Variants in MLLT1 observed in about 807,000 individuals in gnomAD.
MLLT1 encodes MLLT1 super elongation complex subunit, also known as protein ENL.
Under a neutral mutation model 55.1 loss-of-function variants are expected in MLLT1, and 11 were observed. That is an observed-to-expected ratio of 0.20 (90% CI 0.13 to 0.33). The LOEUF (loss-of-function observed/expected upper bound fraction) is 0.33. MLLT1 is among the 10% of genes least tolerant of loss of function. The pLI is 1.00. For missense variants in MLLT1, 536 were observed against 760.6 expected, an observed-to-expected ratio of 0.70 and a Z score of 3.47; for synonymous variants, 323 against 320.1, an observed-to-expected ratio of 1.01 and a Z score of -0.10.
At chr19:6,257,360 G>A (rs1171990820) in intron 3 of MLLT1, among the ~76,000 whole-genome samples, 3 of 148,650 alleles carry the variant, frequency 2.0e-5, no homozygotes, top group Non-Finnish European at 4.4e-5. Flanking sequence ...GCAACAGAGT[G>A]AGACCCTGCT....
In MLLT1 at chr19:6,256,651, G is replaced by T. The variant is rs544648195; in HGVS notation, c.276+5577C>A. ...CACCTGTAGTCCCAGCTACTCGGGAGGCTGAGGCAGGAGAATGGTGTGAAC... is the reference window on the plus strand; with the variant it reads ...CACCTGTAGTCCCAGCTACTCGGGATGCTGAGGCAGGAGAATGGTGTGAAC... On this transcript the variant is annotated intron_variant, in intron 3 of 11. Transcript: ENST00000252674. The surrounding 1 kb of genome is among the most constrained non-coding windows in gnomAD (Gnocchi z 4.1). Among the ~76,000 whole-genome samples, 1 of 152,234 alleles carries T rather than the reference G, an allele frequency of 6.6e-6. No individual in the cohort carries two copies. Among genetic ancestry groups the T allele is most frequent in the East Asian group, 1.9e-4 (1 of 5,174 alleles).
chr19:6,274,892 G>C (rs1292958130), intron 1 of MLLT1, among the ~76,000 whole-genome samples: 1 of 152,186 alleles, frequency 6.6e-6, no homozygotes, highest in African/African-American at 2.4e-5. Context: ...CCTCTCTCCA[G>C]GCCAGCTGGC....
At chr19:6,246,342 A>C (rs11085166) in intron 3 of MLLT1, among the ~76,000 whole-genome samples, 1 of 152,078 alleles carries the variant, frequency 6.6e-6, no homozygotes, top group Non-Finnish European at 1.5e-5. Flanking sequence ...GCAAATGTTT[A>C]GGGCAGCCTT....
chr19:6,233,783 G>A (rs2091034270), intron 3 of MLLT1, among the ~76,000 whole-genome samples: 1 of 152,172 alleles, frequency 6.6e-6, no homozygotes, highest in African/African-American at 2.4e-5. Flanking sequence ...GCAACTGAAT[G>A]TATCCCTAAC....
intron 2 of MLLT1, among the ~76,000 whole-genome samples, chr19:6,266,276 CAAA>C (rs35972478): frequency 1.4e-4 from 10 of 73,578 alleles, no homozygotes; most frequent in South Asian, 9.1e-4. Flanking sequence ...ATTCTGTCTC[CAAA>C]AAAAAAAAAA....
chr19:6,246,106 G>GAA (rs58578599), intron 3 of MLLT1, among the ~76,000 whole-genome samples: 3 of 127,236 alleles, frequency 2.4e-5, no homozygotes, highest in Admixed American at 8.1e-5. Context: ...AAAACAAAGA[G>GAA]AAAAAAAAAA....
In MLLT1 at chr19:6,210,423, ACTC is replaced by A. The variant is rs1057041399; in HGVS notation, c.*2616_*2618del. 27 of 187,116 alleles carry A rather than the reference ACTC, an allele frequency of 1.4e-4. No individual in the cohort carries two copies. Among genetic ancestry groups the A allele is most frequent in the Middle Eastern group, 2.0e-3 (1 of 506 alleles). 11.6% of individuals were successfully genotyped at this position (187,116 alleles called of 1,614,324 possible). On this transcript the variant is annotated 3_prime_UTR_variant, in exon 12 of 12. Transcript: ENST00000252674. The surrounding 1 kb of genome is among the most constrained non-coding windows in gnomAD (Gnocchi z 4.6). ...TTATTTCACTTTTTTTTTCTATAAAACTCCTCCATAATTTCACAATTTAACAAA... is the reference window on the plus strand; with the variant it reads ...TTATTTCACTTTTTTTTTCTATAAAACTCCATAATTTCACAATTTAACAAA...
At chr19:6,237,737 T>C (rs935874196) in intron 3 of MLLT1, among the ~76,000 whole-genome samples, 2 of 138,448 alleles carry the variant, frequency 1.4e-5, no homozygotes, top group Non-Finnish European at 3.0e-5. Context: ...CACTCCAGCC[T>C]GGGCGACTAA....
intron 2 of MLLT1, chr19:6,263,398 A>T (rs972009106): frequency 6.6e-6 from 1 of 152,366 alleles, no homozygotes; most frequent in African/African-American, 2.4e-5. Flanking sequence ...ACCCAGCCAC[A>T]AAGGCCCACA....
At position 6,210,814 on chromosome 19, in the gene MLLT1, C is replaced by T. The variant is rs1485733290; in HGVS notation, c.*2228G>A. 1 of 229,608 alleles carries T rather than the reference C, an allele frequency of 4.4e-6. No homozygotes were observed. Among genetic ancestry groups the T allele is most frequent in the East Asian group, 6.2e-5 (1 of 16,216 alleles). The allele number at this position is 229,608 out of a possible 1,614,324, so 14.2% of individuals were successfully genotyped here. On this transcript the variant is annotated 3_prime_UTR_variant, in exon 12 of 12. Coordinates refer to ENST00000252674, the MANE Select transcript of MLLT1 (RefSeq NM_005934.4). This position sits in a 1 kb window ranked among gnomAD's most constrained non-coding sequence, Gnocchi z 4.6. ...GGTGGGAGAGCAGCTGGGGATGCTG[C>T]CTTGGGAGCCCATGCTGCCCAGCAC...
rs773517300 is a variant in MLLT1 at position 6,256,703 on chromosome 19, G to A, written c.276+5525C>T. Among the ~76,000 whole-genome samples the A allele has an allele frequency of 3.3e-4, 50 of 150,802 alleles. No individual in the cohort carries two copies. Among genetic ancestry groups the A allele is most frequent in the Non-Finnish European group, 4.7e-4 (32 of 67,598 alleles). ...CGGGAGGCGGAGCTTGCAGTGAGCC[G>A]AGATGGCGCCACTGCACTCTAGCCT... On this transcript the variant is annotated intron_variant, in intron 3 of 11. Coordinates refer to ENST00000252674, the MANE Select transcript of MLLT1 (RefSeq NM_005934.4). This position sits in a 1 kb window ranked among gnomAD's most constrained non-coding sequence, Gnocchi z 4.1.
intron 3 of MLLT1, among the ~76,000 whole-genome samples, chr19:6,249,219 T>C (rs1266656966): frequency 6.6e-6 from 1 of 152,248 alleles, no homozygotes; most frequent in Admixed American, 6.5e-5. Context: ...ATGTTTTAGA[T>C]ACACTGAGTT....
At chr19:6,218,193 G>C (rs1406118707) in intron 6 of MLLT1, 152 bp from the exon 7 acceptor site, 17 of 1,244,318 alleles carry the variant, frequency 1.4e-5, no homozygotes, top group Non-Finnish European at 1.8e-5. Flanking sequence ...GTGCCGCTGA[G>C]AACCCACTAA....
chr19:6,224,930 C>G (rs926537525), intron 5 of MLLT1, among the ~76,000 whole-genome samples: 1 of 152,138 alleles, frequency 6.6e-6, no homozygotes, highest in African/African-American at 2.4e-5. Context: ...GGGGTTTCAC[C>G]GTGTTAGCCA....
intron 3 of MLLT1, among the ~76,000 whole-genome samples, chr19:6,251,931 G>C (rs2091218614): frequency 6.6e-6 from 1 of 152,178 alleles, no homozygotes; most frequent in South Asian, 2.1e-4. Context: ...CTCCAGTCTA[G>C]GTGACAGAGC....
At chr19:6,253,798 A>T (rs2091237702) in intron 3 of MLLT1, among the ~76,000 whole-genome samples, 1 of 152,176 alleles carries the variant, frequency 6.6e-6, no homozygotes, top group South Asian at 2.1e-4. Flanking sequence ...GATTTAGAAA[A>T]ACGTCATTCA....
In MLLT1 at chr19:6,256,254, T is replaced by TTAAA. The variant is rs2091256202; in HGVS notation, c.276+5973_276+5974insTTTA. Among the ~76,000 whole-genome samples the TTAAA allele has an allele frequency of 6.7e-6, 1 of 148,304 alleles. No individual in the cohort carries two copies. Among genetic ancestry groups the TTAAA allele is most frequent in the African/African-American group, 2.5e-5 (1 of 40,012 alleles). On this transcript the variant is annotated intron_variant, in intron 3 of 11. Coordinates refer to ENST00000252674, the MANE Select transcript of MLLT1 (RefSeq NM_005934.4). This position sits in a 1 kb window ranked among gnomAD's most constrained non-coding sequence, Gnocchi z 4.1. The stretch of plus-strand genomic sequence containing the variant: ...ATAAATAAATAAATAAATAAATAAA[T>TTAAA]AAAAAGACCAGCCTGGGCAACACAA...
intron 7 of MLLT1, among the ~76,000 whole-genome samples, chr19:6,217,738 CACAAGG>C (rs2090859006): frequency 6.6e-6 from 1 of 152,246 alleles, no homozygotes; most frequent in Non-Finnish European, 1.5e-5. Flanking sequence ...CAACAGCCAC[CACAAGG>C]AACAGTGCCC....
chr19:6,276,411 T>C (rs899740047), intron 1 of MLLT1, among the ~76,000 whole-genome samples: 1 of 152,078 alleles, frequency 6.6e-6, no homozygotes, highest in Non-Finnish European at 1.5e-5. Flanking sequence ...AAACAAACTT[T>C]CCCCGCTGAA....
Sources: allele counts gnomAD v4.1 joint callset (sites outside exome capture counted in the v4.1 genomes callset), GRCh38; gene constraint gnomAD v4.1.1; non-coding constraint Gnocchi (gnomAD v3.1); transcripts MANE v1.5; gene names NCBI Gene and HGNC (gene_info 2026-07-23, HGNC 2026-07-21).